MACROD2: variants seen among roughly 807,000 people sequenced by gnomAD.
MACROD2 encodes the protein ADP-ribose glycohydrolase MACROD2.
In MACROD2, 36 loss-of-function variants were observed where a neutral mutation model predicts 70.4. The ratio of observed to expected loss-of-function variants is 0.51; its 90% CI spans 0.39 to 0.68. The LOEUF is 0.68. MACROD2 is among the 30% of genes least tolerant of loss of function. The pLI is 0.00. For synonymous variants in MACROD2, 172 were observed against 178.8 expected (o/e 0.96, Z 0.30); for missense variants, 496 against 538.4 (o/e 0.92, Z 0.78).
At chr20:15,880,269 T>C (rs909054943) in intron 9 of MACROD2, among the ~76,000 whole-genome samples, 3 of 152,070 alleles carry the variant, frequency 2.0e-5, no homozygotes, top group Non-Finnish European at 4.4e-5. Context: ...CTCAGATAAC[T>C]CTTCCTTTGG....
intron 6 of MACROD2, among the ~76,000 whole-genome samples, chr20:15,306,957 A>G (rs1429783136): frequency 7.9e-5 from 12 of 152,160 alleles, no homozygotes; most frequent in Admixed American, 7.9e-4. Flanking sequence ...GATTTAACTT[A>G]TGGCAGAAGG....
chr20:14,002,358 C>T lies in MACROD2; in HGVS notation c.117C>T (p.Ser39=). ...TAAGAGACTATATTCCCCTGAACAG[C>T]ATTCTATCATGGAAGGAGGAGATGA... ...EYLRDYIPLN[S]ILSWKEEMKG... is the part of the protein sequence containing the mutation. The change falls in exon 2 of 18, where the codon AGC becomes AGT. Residue 39 remains serine (S), a synonymous_variant. Transcript: ENST00000684519. 6.2e-7 allele frequency: 1 copy of T among 1,609,706 alleles called. No individual in the cohort carries two copies.
intron 6 of MACROD2, among the ~76,000 whole-genome samples, chr20:15,307,472 T>G (rs2077709309): frequency 6.6e-6 from 1 of 152,220 alleles, no homozygotes; most frequent in African/African-American, 2.4e-5. Flanking sequence ...TTTGTTATGT[T>G]GTTCTGTCTC....
At chr20:14,658,010 C>G (rs1986056819) in intron 4 of MACROD2, among the ~76,000 whole-genome samples, 1 of 150,524 alleles carries the variant, frequency 6.6e-6, no homozygotes, top group Non-Finnish European at 1.5e-5. Context: ...TGTTAAGTAC[C>G]TGATAATTTC....
At chr20:15,104,561 T>C (rs912299954) in intron 5 of MACROD2, among the ~76,000 whole-genome samples, 12 of 152,182 alleles carry the variant, frequency 7.9e-5, no homozygotes, top group African/African-American at 2.9e-4. Context: ...ATAAGTGCGT[T>C]TGATACTTCA....
At chr20:14,118,864 T>A (rs1371371514) in intron 3 of MACROD2, among the ~76,000 whole-genome samples, 31 of 149,956 alleles carry the variant, frequency 2.1e-4, no homozygotes, top group East Asian at 1.8e-3. Context: ...TTTTTTTTTT[T>A]AGACAGAGTC....
chr20:14,854,978 T>A (rs2073238820), intron 5 of MACROD2, among the ~76,000 whole-genome samples: 1 of 151,976 alleles, frequency 6.6e-6, no homozygotes, highest in Non-Finnish European at 1.5e-5. Context: ...ATCGCACCAC[T>A]GCACTCCAGC....
At chr20:14,183,444 G>C (rs1299506628) in intron 3 of MACROD2, among the ~76,000 whole-genome samples, 1 of 152,004 alleles carries the variant, frequency 6.6e-6, no homozygotes, top group Non-Finnish European at 1.5e-5. Flanking sequence ...TGGCATTTAG[G>C]TTGATTCCAT....
chr20:16,000,242 T>G (rs1373493511), intron 15 of MACROD2, among the ~76,000 whole-genome samples: 1 of 152,218 alleles, frequency 6.6e-6, no homozygotes, highest in Non-Finnish European at 1.5e-5. Context: ...ACTCTCAAAT[T>G]ATGAATCTTT....
At position 14,325,512 on chromosome 20, in the gene MACROD2, G is replaced by C. The variant is rs750793079; in HGVS notation, c.272-167967G>C. ...AGGGTTCCTACCATCACCTCCCTTA[G>C]GTTTAAAAAACCCAAAACACAAGTC... On this transcript the variant is annotated intron_variant, in intron 3 of 17. Coordinates refer to ENST00000684519, the MANE Select transcript of MACROD2 (RefSeq NM_001351661.2). The C allele has an allele frequency of 7.1e-6, 11 of 1,557,124 alleles. No individual in the cohort carries two copies. The Admixed American group carries it at 1.3e-4, about 19-fold the overall frequency.
At chr20:15,233,967 TTTTATATATATTTATTTATATATA>T (rs1177737111) in intron 6 of MACROD2, among the ~76,000 whole-genome samples, 7 of 48,590 alleles carry the variant, frequency 1.4e-4, no homozygotes, top group African/African-American at 3.4e-4. Context: ...AAAAATTTAT[TTTTATATATATTTATTTATATATA>T]TATATATATA....
intron 3 of MACROD2, among the ~76,000 whole-genome samples, chr20:14,428,957 GA>G: frequency 6.6e-6 from 1 of 152,146 alleles, no homozygotes; most frequent in East Asian, 1.9e-4. Context: ...CCCTGAAGGG[GA>G]AGTCTAATAT....
chr20:14,871,165 A>G (rs1231518607), intron 5 of MACROD2, among the ~76,000 whole-genome samples: 1 of 152,056 alleles, frequency 6.6e-6, no homozygotes, highest in Admixed American at 6.6e-5. Flanking sequence ...AATGTAGAGA[A>G]CCCCAGTAAG....
intron 6 of MACROD2, among the ~76,000 whole-genome samples, chr20:15,391,750 G>A (rs982503272): frequency 1.3e-5 from 2 of 152,090 alleles, no homozygotes; most frequent in African/African-American, 4.8e-5. Context: ...TCTGGGTCTC[G>A]TTCATTAAAA....
chr20:14,779,865 C>A (rs1297801647), intron 5 of MACROD2, among the ~76,000 whole-genome samples: 1 of 151,988 alleles, frequency 6.6e-6, no homozygotes, highest in African/African-American at 2.4e-5. Flanking sequence ...AGCTTTATTG[C>A]TTATATTTTA....
intron 8 of MACROD2, among the ~76,000 whole-genome samples, chr20:15,627,218 A>T (rs2049216490): frequency 7.2e-6 from 1 of 138,436 alleles, no homozygotes; most frequent in Non-Finnish European, 1.5e-5. Flanking sequence ...GAGATAACAG[A>T]AAAGATTACC....
At chr20:14,615,859 A>G (rs1389157778) in intron 4 of MACROD2, among the ~76,000 whole-genome samples, 2 of 152,166 alleles carry the variant, frequency 1.3e-5, no homozygotes, top group African/African-American at 4.8e-5. Context: ...CAAAGAGCTG[A>G]GTGGATGCAG....
chr20:14,795,332 A>T (rs1297034685), intron 5 of MACROD2, among the ~76,000 whole-genome samples: 1 of 152,136 alleles, frequency 6.6e-6, no homozygotes, highest in African/African-American at 2.4e-5. Context: ...GAAAGCCAGG[A>T]TCTAGGGAAG....
intron 3 of MACROD2, among the ~76,000 whole-genome samples, chr20:14,288,457 C>T (rs990210971): frequency 6.6e-6 from 1 of 152,112 alleles, no homozygotes; most frequent in East Asian, 1.9e-4. Flanking sequence ...TTTTGGCTGT[C>T]CCTTGTAGGA....
Sources: allele counts gnomAD v4.1 joint callset (sites outside exome capture counted in the v4.1 genomes callset), GRCh38; gene constraint gnomAD v4.1.1; transcripts MANE v1.5; gene names NCBI Gene and HGNC (gene_info 2026-07-23, HGNC 2026-07-21).